Variants in CFH observed in about 807,000 individuals in gnomAD.
The protein encoded by CFH is H factor 1 (complement).
A neutral mutation model predicts 147.3 loss-of-function variants in CFH; 53 were observed. The ratio of observed to expected loss-of-function variants is 0.36; its 90% CI spans 0.29 to 0.45. The LOEUF is 0.45. Ranked by LOEUF, CFH falls within the 20% of genes least tolerant of loss-of-function variation. CFH has a pLI of 1.00. For synonymous variants in CFH, 536 were observed against 489.4 expected, an observed-to-expected ratio of 1.10 and a Z score of -1.26; for missense variants, 1,380 against 1,498.0, an observed-to-expected ratio of 0.92 and a Z score of 1.30.
intron 15 of CFH, 41 bp downstream of exon 15, chr1:196,728,563 C>T (rs1371688874): frequency 6.3e-7 from 1 of 1,586,336 alleles, no homozygotes; most frequent in Non-Finnish European, 8.7e-7. Context: ...TTCTATTTCT[C>T]ATTTGGAAAA....
At chr1:196,693,656 G>A (rs1159642787) in intron 9 of CFH, among the ~76,000 whole-genome samples, 2 of 152,016 alleles carry the variant, frequency 1.3e-5, no homozygotes. Flanking sequence ...GTGACTAACA[G>A]GCAGGTAGTA....
intron 9 of CFH, among the ~76,000 whole-genome samples, chr1:196,692,919 C>CTTCCTTCCTTCCTTCT: frequency 7.1e-6 from 1 of 141,714 alleles, no homozygotes; most frequent in Non-Finnish European, 1.5e-5. Flanking sequence ...TCCTTCCTTC[C>CTTCCTTCCTTCCTTCT]TTCCTTCCTT....
At chr1:196,740,147 G>A (rs1249204767) in intron 17 of CFH, among the ~76,000 whole-genome samples, 1 of 152,178 alleles carries the variant, frequency 6.6e-6, no homozygotes, top group Non-Finnish European at 1.5e-5. Flanking sequence ...CAACACGTGA[G>A]GATTATGGCA....
intron 17 of CFH, among the ~76,000 whole-genome samples, chr1:196,739,981 C>A (rs35742991): frequency 0.04 from 6,143 of 152,220 alleles, 386 homozygotes; most frequent in African/African-American, 0.14. Context: ...ACATGTCCTT[C>A]TTCACATGAT....
chr1:196,685,636 G>A (rs1667800062), intron 7 of CFH, among the ~76,000 whole-genome samples: 1 of 152,028 alleles, frequency 6.6e-6, no homozygotes, highest in South Asian at 2.1e-4. Context: ...GCTTATATAA[G>A]TAGTTGTGAA....
rs35352142 is a variant in CFH at position 196,743,772 on chromosome 1, C to T, written c.3310+144C>T. The T allele has an allele frequency of 0.16, 196,221 of 1,197,716 alleles. 7,784 individuals carry two copies. Among genetic ancestry groups the T allele is most frequent in the East Asian group, 0.44 (17,145 of 39,290 alleles). 74.2% of individuals were successfully genotyped at this position (1,197,716 alleles called of 1,614,324 possible). ...GATGGTGCTTAAAATTCAATTCTTC[C>T]TGTGAACAGAACACAAGTAATAGGG... On this transcript the variant is annotated intron_variant, in intron 20 of 21. Coordinates refer to ENST00000367429, the MANE Select transcript of CFH (RefSeq NM_000186.4).
chr1:196,740,819 G>A, intron 18 of CFH, 27 bp downstream of exon 18: 1 of 1,598,740 alleles, frequency 6.3e-7, no homozygotes, highest in South Asian at 1.1e-5. Flanking sequence ...TTTATTATAT[G>A]TATGATAAAT....
At chr1:196,701,559 G>A in intron 9 of CFH, 1 of 572,954 alleles carries the variant, frequency 1.7e-6, no homozygotes, top group South Asian at 2.1e-5. Flanking sequence ...CTCTTTCTCT[G>A]CTGCAAACCC....
chr1:196,707,964 C>A (rs1193538459), intron 9 of CFH, among the ~76,000 whole-genome samples: 3 of 152,026 alleles, frequency 2.0e-5, no homozygotes, highest in Non-Finnish European at 4.4e-5. Flanking sequence ...CAATTGCTAC[C>A]CTTATAGACA....
At chr1:196,677,901 T>C in intron 5 of CFH, 1 of 480,752 alleles carries the variant, frequency 2.1e-6, no homozygotes, top group East Asian at 4.0e-5. Flanking sequence ...AAGAGACTGG[T>C]GCAAAGAAGT....
intron 6 of CFH, among the ~76,000 whole-genome samples, chr1:196,684,481 A>C (rs1006200534): frequency 1.1e-4 from 16 of 152,150 alleles, no homozygotes; most frequent in African/African-American, 3.1e-4. Context: ...AATTGTAAGA[A>C]TCAAGTGACA....
chr1:196,725,422 T>A (rs1669112885), intron 12 of CFH, 125 bp downstream of exon 12: 1 of 882,600 alleles, frequency 1.1e-6, no homozygotes, highest in Non-Finnish European at 1.8e-6. Context: ...TATTTGCCTG[T>A]GAAGGACATG....
At chr1:196,738,397 G>C (rs927612719) in intron 17 of CFH, among the ~76,000 whole-genome samples, 1 of 152,084 alleles carries the variant, frequency 6.6e-6, no homozygotes, top group Admixed American at 6.5e-5. Flanking sequence ...CTGAGACAAG[G>C]CAAGTCCTCT....
intron 12 of CFH, 143 bp from the exon 13 acceptor site, chr1:196,726,327 C>A (rs1669135699): frequency 6.0e-6 from 4 of 667,878 alleles, no homozygotes; most frequent in Non-Finnish European, 1.0e-5. Context: ...AATATGAACA[C>A]CATTCTTGAT....
intron 9 of CFH, among the ~76,000 whole-genome samples, chr1:196,698,099 A>G (rs1277159806): frequency 1.5e-4 from 23 of 152,070 alleles, no homozygotes; most frequent in Non-Finnish European, 8.8e-5. Flanking sequence ...GCACATGTAT[A>G]CATATGTAAC....
At chr1:196,684,937 C>CA in intron 6 of CFH, 127 bp from the exon 7 acceptor site, 1 of 733,428 alleles carries the variant, frequency 1.4e-6, no homozygotes, top group East Asian at 2.7e-5. Context: ...ATGATATGTT[C>CA]ATTTTAATGC....
chr1:196,730,421 T>C (rs1669255670), intron 15 of CFH, among the ~76,000 whole-genome samples: 1 of 151,904 alleles, frequency 6.6e-6, no homozygotes, highest in Admixed American at 6.6e-5. Context: ...TCTCATTTCA[T>C]ACCTTTGTTG....
At chr1:196,668,020 T>TA (rs1667155227) in intron 1 of CFH, among the ~76,000 whole-genome samples, 1 of 152,190 alleles carries the variant, frequency 6.6e-6, no homozygotes, top group Admixed American at 6.5e-5. Flanking sequence ...TTGAATTTAT[T>TA]AAAAACACTA....
In CFH at chr1:196,667,032, G is replaced by A. The variant is rs552439191; in HGVS notation, c.59-5946G>A. On this transcript the variant is annotated intron_variant, in intron 1 of 21. Coordinates refer to ENST00000367429, the MANE Select transcript of CFH (RefSeq NM_000186.4). ...TGGTTAATAATGTTGCTTATATCTT[G>A]TATATCCTTATTTTTCTATTTCTTT... 1.1e-4 allele frequency among the ~76,000 whole-genome samples: 16 copies of A among 152,120 alleles called. 2 individuals carry two copies. The highest frequency in any genetic ancestry group is 1.0e-3 in the Admixed American group (16 of 15,266).
Sources: allele counts gnomAD v4.1 joint callset (sites outside exome capture counted in the v4.1 genomes callset), GRCh38; gene constraint gnomAD v4.1.1; transcripts MANE v1.5; gene names NCBI Gene and HGNC (gene_info 2026-07-23, HGNC 2026-07-21).